The following DOCK8 variants were observed in gnomAD, a reference collection of about 807,000 sequenced individuals.
DOCK8 encodes dedicator of cytokinesis 8, also known as dedicator of cytokinesis protein 8.
DOCK8 carries 141 observed loss-of-function variants against 245.6 expected under a neutral mutation model. The observed-to-expected ratio is 0.57, with a 90% CI of 0.50 to 0.66. The LOEUF is 0.66. Among genes scored for constraint, DOCK8 ranks in the 30% least tolerant of loss-of-function variants. The probability of loss-of-function intolerance (pLI) is 0.00; values close to 1 mark genes in which losing one functional copy is unlikely to be tolerated. For missense variants in DOCK8, 2,965 were observed against 2,603.4 expected (o/e 1.14, Z -3.02); for synonymous variants, 1,168 against 970.2 (o/e 1.20, Z -3.79).
At chr9:371,343 G>A (rs923659249) in intron 16 of DOCK8, 85 bp from the exon 17 acceptor site, 48 of 1,534,166 alleles carry the variant, frequency 3.1e-5, no homozygotes, top group Middle Eastern at 2.0e-4. Flanking sequence ...AAATTCTGAG[G>A]AGCAAAGGGG....
intron 10 of DOCK8, 120 bp downstream of exon 10, chr9:332,598 T>A: frequency 2.1e-6 from 1 of 485,972 alleles, no homozygotes; most frequent in Non-Finnish European, 3.8e-6. Context: ...AAGACACTAC[T>A]ACATTTTAAT....
At chr9:295,282 G>T (rs1005755355) in intron 4 of DOCK8, among the ~76,000 whole-genome samples, 1 of 152,178 alleles carries the variant, frequency 6.6e-6, no homozygotes, top group Admixed American at 6.5e-5. Flanking sequence ...CAGGGTCTGG[G>T]AGTGGGGAAG....
rs57180068 is a variant in DOCK8, at chr9:377,360, ATT to A, written c.2440+158_2440+159del. On this transcript the variant is annotated intron_variant, in intron 20 of 47. Transcript: ENST00000432829. ...CTCAAGGGAGGCCAAGTCTTATGCTATTTTTTTTTTGAGACTCTCTGCATGTT... is the reference window on the plus strand; with the variant it reads ...CTCAAGGGAGGCCAAGTCTTATGCTATTTTTTTTGAGACTCTCTGCATGTT... 8.4e-4 allele frequency: 496 copies of A among 592,644 alleles called. 1 individual carries two copies. Among genetic ancestry groups the A allele is most frequent in the Non-Finnish European group, 1.1e-3 (384 of 351,762 alleles). The allele number at this position is 592,644 out of a possible 1,614,324, so 36.7% of individuals were successfully genotyped here. A position where few individuals can be genotyped will look rare whatever the true frequency, so the allele number is the denominator to read the frequency against.
chr9:403,293 G>T (rs1015704844), intron 26 of DOCK8, among the ~76,000 whole-genome samples: 1 of 152,082 alleles, frequency 6.6e-6, no homozygotes, highest in African/African-American at 2.4e-5. Context: ...TCCGATAGCC[G>T]GCTTGACCCG....
rs146289277 is a variant in DOCK8 at position 312,639 on chromosome 9, A to C, written c.741+473A>C. On this transcript the variant is annotated intron_variant, in intron 6 of 47. Coordinates refer to ENST00000432829, the MANE Select transcript of DOCK8 (RefSeq NM_203447.4). ...CTTTGAAAACATTTCAGGCTAGGAT[A>C]ATCACAGCCCATGCTCCCAATGTAT... 3.9e-4 allele frequency: 139 copies of C among 358,298 alleles called. 1 individual carries two copies. The highest frequency in any genetic ancestry group is 2.8e-3 in the African/African-American group (131 of 46,874). The allele number at this position is 358,298 out of a possible 1,614,324, so 22.2% of individuals were successfully genotyped here. A position where few individuals can be genotyped will look rare whatever the true frequency, so the allele number is the denominator to read the frequency against.
intron 1 of DOCK8, among the ~76,000 whole-genome samples, chr9:234,889 T>G (rs2047209397): frequency 6.6e-6 from 1 of 152,218 alleles, no homozygotes; most frequent in East Asian, 1.9e-4. Context: ...AGCCTTCTTC[T>G]CTCAACTCAT....
At chr9:298,353 A>G (rs2049359402) in intron 4 of DOCK8, among the ~76,000 whole-genome samples, 1 of 152,200 alleles carries the variant, frequency 6.6e-6, no homozygotes, top group South Asian at 2.1e-4. Flanking sequence ...TCAACTCGGG[A>G]GGCGGAGGTT....
intron 15 of DOCK8, 122 bp downstream of exon 15, chr9:368,257 A>G (rs779703864): frequency 9.3e-6 from 8 of 859,798 alleles, no homozygotes; most frequent in Admixed American, 1.7e-5. Context: ...ACTGCTCAGC[A>G]TGTGCAAGGG....
chr9:274,607 G>A (rs1023458476), intron 2 of DOCK8, among the ~76,000 whole-genome samples: 2 of 151,188 alleles, frequency 1.3e-5, no homozygotes, highest in Admixed American at 6.6e-5. Context: ...TCATCGTCCC[G>A]AATGAAGGTT....
intron 4 of DOCK8, among the ~76,000 whole-genome samples, chr9:297,927 A>G (rs1199543445): frequency 6.6e-6 from 1 of 152,182 alleles, no homozygotes; most frequent in Non-Finnish European, 1.5e-5. Context: ...ACACATTGTG[A>G]ACTGAACTTT....
intron 1 of DOCK8, among the ~76,000 whole-genome samples, chr9:249,054 C>T (rs958884601): frequency 5.3e-5 from 8 of 152,172 alleles, no homozygotes; most frequent in South Asian, 2.1e-4. Flanking sequence ...CCTATCTTCT[C>T]CTTCCGCTCT....
chr9:442,374 A>G (rs1371178867), intron 42 of DOCK8, among the ~76,000 whole-genome samples: 1 of 152,222 alleles, frequency 6.6e-6, no homozygotes, highest in Non-Finnish European at 1.5e-5. Context: ...GTTTTTCAAC[A>G]TGAAGTTTAG....
intron 11 of DOCK8, among the ~76,000 whole-genome samples, chr9:336,286 G>T (rs1209130720): frequency 3.9e-5 from 6 of 152,218 alleles, no homozygotes; most frequent in African/African-American, 9.6e-5. Context: ...AGGAGACCCT[G>T]TTCTGGCTAT....
chr9:317,827 C>T (rs1193909149), intron 7 of DOCK8, among the ~76,000 whole-genome samples: 1 of 152,084 alleles, frequency 6.6e-6, no homozygotes, highest in Non-Finnish European at 1.5e-5. Flanking sequence ...GCATAATATA[C>T]CGACTCCCTA....
intron 1 of DOCK8, among the ~76,000 whole-genome samples, chr9:260,042 A>G (rs1309444626): frequency 1.3e-5 from 2 of 152,230 alleles, no homozygotes; most frequent in African/African-American, 4.8e-5. Context: ...GGTAAACTAG[A>G]TATGGGTTGC....
chr9:224,371 A>C (rs1193000171), intron 1 of DOCK8, among the ~76,000 whole-genome samples: 1 of 152,212 alleles, frequency 6.6e-6, no homozygotes, highest in Non-Finnish European at 1.5e-5. Flanking sequence ...AACACAGAAT[A>C]AAAATTCTAC....
chr9:461,691 G>T (rs572664747), intron 46 of DOCK8, among the ~76,000 whole-genome samples: 1 of 151,796 alleles, frequency 6.6e-6, no homozygotes, highest in African/African-American at 2.4e-5. Context: ...GCAGTCACCT[G>T]CCACCATACC....
chr9:215,098 C>G (rs201239484), intron 1 of DOCK8, 69 bp downstream of exon 1: 2 of 1,513,676 alleles, frequency 1.3e-6, no homozygotes, highest in Non-Finnish European at 1.8e-6. Context: ...CGGAGCTTCG[C>G]TGCAGGGGCC....
In DOCK8 at chr9:439,319, C is replaced by G; in HGVS notation, c.5154C>G (p.Cys1718Trp). 1.9e-6 allele frequency: 3 copies of G among 1,614,118 alleles called. No individual in the cohort carries two copies. The highest frequency in any genetic ancestry group is 2.5e-6 in the Non-Finnish European group (3 of 1,180,024). The change falls in exon 40 of 48, where the codon TGC becomes TGG. Residue 1718 changes from cysteine (C) to tryptophan (W), a missense_variant. Physicochemically the swap from Cys to Trp is radical, Grantham distance 215. This residue lies in a region of DOCK8 where 2,825 missense variants were observed against 2,453.5 expected (regional missense o/e 1.15). Coordinates refer to ENST00000432829, the MANE Select transcript of DOCK8 (RefSeq NM_203447.4). Reference sequence around the variant, plus strand: ...TGTCACCTGACGAGGATGGGGTGTGCGCAGGCCAGTACTTCACCGAGAGTG... The same window carrying G: ...TGTCACCTGACGAGGATGGGGTGTGGGCAGGCCAGTACTTCACCGAGAGTG... ...DTLSPDEDGV[C>W]AGQYFTESGL...
Sources: allele counts gnomAD v4.1 joint callset (sites outside exome capture counted in the v4.1 genomes callset), GRCh38; gene constraint gnomAD v4.1.1; regional missense constraint gnomAD v4.1.1; transcripts MANE v1.5; gene names NCBI Gene and HGNC (gene_info 2026-07-23, HGNC 2026-07-21).